AJAP1: variants seen among roughly 807,000 people sequenced by gnomAD.
The protein encoded by AJAP1 is adherens junctions associated protein 1.
A neutral mutation model predicts 35.0 loss-of-function variants in AJAP1; 5 were observed. The observed-to-expected ratio is 0.14, with a 90% CI of 0.07 to 0.30. The LOEUF (loss-of-function observed/expected upper bound fraction) is 0.30, where lower values mean the gene tolerates loss of function less well. Ranked by LOEUF, AJAP1 falls within the 10% of genes least tolerant of loss-of-function variation. The pLI is 1.00. For missense variants in AJAP1, 586 were observed against 571.0 expected (o/e 1.03, Z -0.27); for synonymous variants, 284 against 249.3 (o/e 1.14, Z -1.31).
Position 4,761,018 on chromosome 1 carries a change from A to C in AJAP1, c.830-8835A>C, listed in dbSNP as rs571519788. Among the ~76,000 whole-genome samples, 3 of 152,318 alleles carry C rather than the reference A, an allele frequency of 2.0e-5. No homozygotes were observed. The South Asian group carries it at 6.2e-4, about 32-fold the overall frequency. ...TGGCCCCGAAGGGTGCTGTTGGGTG[A>C]TTCATGATCTTGCAAACGTGAAGTG... On this transcript the variant is annotated intron_variant, in intron 2 of 5. Transcript: ENST00000378191.
At chr1:4,696,989 T>C (rs970490643) in intron 1 of AJAP1, among the ~76,000 whole-genome samples, 4 of 152,122 alleles carry the variant, frequency 2.6e-5, no homozygotes, top group African/African-American at 9.7e-5. Flanking sequence ...CATGTGCATG[T>C]GTGTATGTGT....
At chr1:4,771,430 C>T (rs1641830860) in intron 3 of AJAP1, among the ~76,000 whole-genome samples, 1 of 152,194 alleles carries the variant, frequency 6.6e-6, no homozygotes, top group African/African-American at 2.4e-5. Flanking sequence ...TACACAGGCC[C>T]TGAGCGTGAA....
intron 1 of AJAP1, among the ~76,000 whole-genome samples, chr1:4,691,139 A>G (rs2100226421): frequency 6.6e-6 from 1 of 152,292 alleles, no homozygotes; most frequent in African/African-American, 2.4e-5. Flanking sequence ...TATGGTCGTG[A>G]CTAAGCTGGG....
At chr1:4,673,937 AAG>A (rs1489688815) in intron 1 of AJAP1, among the ~76,000 whole-genome samples, 1 of 151,900 alleles carries the variant, frequency 6.6e-6, no homozygotes, top group Non-Finnish European at 1.5e-5. Flanking sequence ...TGCCAGATAA[AAG>A]AAAACAGGAT....
chr1:4,739,631 CTGCACAGAAATGACCCT>C (rs1438800020), intron 2 of AJAP1, among the ~76,000 whole-genome samples: 1 of 152,238 alleles, frequency 6.6e-6, no homozygotes, highest in Non-Finnish European at 1.5e-5. Context: ...TGTTCTCTCA[CTGCACAGAAATGACCCT>C]TGGAGCATAT....
chr1:4,747,643 A>G lies in AJAP1; in HGVS notation c.830-22210A>G, dbSNP rs138678539. ...CCACACATATGCATGGAAGGAGTGG[A>G]TAGATCACAGTTAGGCTGAGTCTAA... is the stretch of plus-strand genomic sequence containing the variant. On this transcript the variant is annotated intron_variant, in intron 2 of 5. Transcript: ENST00000378191. 1.1e-4 allele frequency among the ~76,000 whole-genome samples: 17 copies of G among 152,296 alleles called. No homozygotes were observed. The East Asian group carries it at 2.9e-3, about 26-fold the overall frequency.
rs541222354 is a variant in AJAP1 at position 4,725,695 on chromosome 1, G to T, written c.829+12996G>T. Among the ~76,000 whole-genome samples, 45 of 152,132 alleles carry T rather than the reference G, an allele frequency of 3.0e-4. No individual in the cohort carries two copies. In the Middle Eastern group the frequency reaches 0.014, roughly 46 times the overall value. On this transcript the variant is annotated intron_variant, in intron 2 of 5. Transcript: ENST00000378191. ...TGAGTGGCACAAACAATCAAAATAT[G>T]TTCTCCACCGTCCTGGAGGCTAGAA...
At chr1:4,758,134 C>T (rs1350028117) in intron 2 of AJAP1, among the ~76,000 whole-genome samples, 9 of 152,124 alleles carry the variant, frequency 5.9e-5, no homozygotes, top group South Asian at 2.1e-4. Context: ...GAGGCCTCCC[C>T]AGTGATGTGT....
chr1:4,740,393 A>AGTGTGGGGGAGGGGGAGGGG (rs1641031716), intron 2 of AJAP1, among the ~76,000 whole-genome samples: 2 of 151,996 alleles, frequency 1.3e-5, no homozygotes, highest in South Asian at 2.1e-4. Flanking sequence ...TGATGGGGAC[A>AGTGTGGGGGAGGGGGAGGGG]GAGTTTCAGT....
At chr1:4,778,611 CTCTT>C (rs1641986090) in intron 5 of AJAP1, among the ~76,000 whole-genome samples, 1 of 146,246 alleles carries the variant, frequency 6.8e-6, no homozygotes, top group Non-Finnish European at 1.5e-5. Context: ...CTCTCTCTCT[CTCTT>C]CTCTCTGTCT....
At chr1:4,729,478 G>A (rs905140252) in intron 2 of AJAP1, among the ~76,000 whole-genome samples, 10 of 152,214 alleles carry the variant, frequency 6.6e-5, no homozygotes, top group African/African-American at 2.4e-4. Flanking sequence ...CTCACGGGGT[G>A]GGACTCTGCT....
rs1639907898 is a variant in AJAP1, at chr1:4,698,117, A to C, written c.30-13783A>C. Reference sequence around the variant, plus strand: ...CTATAGCTGAAGATGAGACAGAACCACGGCCTCCGTTGAGTGATTTACACG... The same window carrying C: ...CTATAGCTGAAGATGAGACAGAACCCCGGCCTCCGTTGAGTGATTTACACG... On this transcript the variant is annotated intron_variant, in intron 1 of 5. Transcript: ENST00000378191. 2.6e-5 allele frequency among the ~76,000 whole-genome samples: 4 copies of C among 152,294 alleles called. No individual in the cohort carries two copies. The South Asian group carries it at 8.3e-4, about 32-fold the overall frequency.
chr1:4,762,288 G>C (rs941013762), intron 2 of AJAP1, among the ~76,000 whole-genome samples: 3 of 152,196 alleles, frequency 2.0e-5, no homozygotes, highest in Non-Finnish European at 4.4e-5. Flanking sequence ...ATTCCCTCAG[G>C]AATGTCCTCA....
intron 2 of AJAP1, among the ~76,000 whole-genome samples, chr1:4,763,834 T>A (rs1470704106): frequency 1.8e-5 from 2 of 112,508 alleles, no homozygotes; most frequent in African/African-American, 3.5e-5. Context: ...CCCTCTCTCC[T>A]CTTTGTCTCC....
chr1:4,753,685 G>T (rs1428143597), intron 2 of AJAP1, among the ~76,000 whole-genome samples: 2 of 152,172 alleles, frequency 1.3e-5, no homozygotes, highest in African/African-American at 4.8e-5. Context: ...GGATTCTCCT[G>T]CCTCAGCCTC....
At chr1:4,731,014 G>C (rs989333422) in intron 2 of AJAP1, among the ~76,000 whole-genome samples, 4 of 152,110 alleles carry the variant, frequency 2.6e-5, no homozygotes, top group Admixed American at 1.3e-4. Context: ...TTCACCATAA[G>C]AACATTTGTT....
chr1:4,713,239 G>C (rs562492866), intron 2 of AJAP1, among the ~76,000 whole-genome samples: 51 of 152,334 alleles, frequency 3.3e-4, no homozygotes, highest in African/African-American at 1.2e-3. Flanking sequence ...TAGCAAGAAA[G>C]GCCGAGGCTG....
At chr1:4,724,866 G>T (rs183302746) in intron 2 of AJAP1, among the ~76,000 whole-genome samples, 43 of 152,360 alleles carry the variant, frequency 2.8e-4, no homozygotes, top group African/African-American at 1.0e-3. Context: ...AAAAGCCAGG[G>T]TGACAATGTG....
In AJAP1 at chr1:4,712,394, C is replaced by T. The variant is rs1250357231; in HGVS notation, c.524C>T (p.Thr175Ile). 2 of 1,575,052 alleles carry T rather than the reference C, an allele frequency of 1.3e-6. No individual in the cohort carries two copies. Among genetic ancestry groups the T allele is most frequent in the African/African-American group, 1.4e-5 (1 of 74,070 alleles). Residue 175 changes from threonine (T) to isoleucine (I), a missense_variant, in exon 2 of 6, where the codon ACC becomes ATC. Coordinates refer to ENST00000378191, the MANE Select transcript of AJAP1 (RefSeq NM_018836.4). ...SSFDSRGSRPTTETEFIAWGP... is the reference protein window; with the variant it reads ...SSFDSRGSRPITETEFIAWGP... The stretch of plus-strand genomic sequence containing the variant: ...TTCGACTCCAGAGGCAGCCGGCCCA[C>T]CACAGAGACTGAGTTCATCGCCTGG...
Sources: gnomAD v4.1 joint callset for allele counts (sites outside exome capture counted in the v4.1 genomes callset) on GRCh38, gnomAD v4.1.1 for gene constraint, MANE v1.5 for transcripts, NCBI Gene and HGNC (gene_info 2026-07-23, HGNC 2026-07-21) for gene names.